CACNA1C: variants seen among roughly 807,000 people sequenced by gnomAD.
CACNA1C encodes the protein voltage-dependent L-type calcium channel subunit alpha-1C.
A neutral mutation model predicts 229.0 loss-of-function variants in CACNA1C; 30 were observed. The ratio of observed to expected loss-of-function variants is 0.13; its 90% CI spans 0.10 to 0.18. The LOEUF is 0.18. Among genes scored for constraint, CACNA1C ranks in the 10% least tolerant of loss-of-function variants. The probability of loss-of-function intolerance (pLI) is 1.00; values close to 1 mark genes in which losing one functional copy is unlikely to be tolerated. For synonymous variants in CACNA1C, 1,114 were observed against 1,132.5 expected, an observed-to-expected ratio of 0.98 and a Z score of 0.33; for missense variants, 1,658 against 2,845.0, an observed-to-expected ratio of 0.58 and a Z score of 9.49.
intron 7 of CACNA1C, among the ~76,000 whole-genome samples, chr12:2,499,730 G>A (rs1258819645): frequency 6.6e-6 from 1 of 152,090 alleles, no homozygotes; most frequent in Non-Finnish European, 1.5e-5. Flanking sequence ...GGAGACCTGA[G>A]GAACACGGCT....
chr12:2,542,189 A>T (rs1456770986), intron 9 of CACNA1C, among the ~76,000 whole-genome samples: 1 of 152,206 alleles, frequency 6.6e-6, no homozygotes, highest in Non-Finnish European at 1.5e-5. Context: ...TCCTTTGCCA[A>T]AACCCCTTCT....
chr12:2,675,131 CAAAG>C (rs1052546716), intron 39 of CACNA1C, among the ~76,000 whole-genome samples: 33 of 152,240 alleles, frequency 2.2e-4, no homozygotes, highest in African/African-American at 7.0e-4. Context: ...CTTTTTATAG[CAAAG>C]AGTTTATATT....
At chr12:2,189,445 C>T (rs945233584) in intron 3 of CACNA1C, among the ~76,000 whole-genome samples, 3 of 152,208 alleles carry the variant, frequency 2.0e-5, no homozygotes, top group Non-Finnish European at 2.9e-5. Context: ...CGGGAGCAGG[C>T]TCCCCAGGAC....
intron 6 of CACNA1C, among the ~76,000 whole-genome samples, chr12:2,489,763 G>A (rs747575876): frequency 1.3e-5 from 2 of 152,192 alleles, no homozygotes; most frequent in Non-Finnish European, 2.9e-5. Flanking sequence ...TATTAACTGC[G>A]TTTCTAACTC....
At chr12:2,339,470 C>A (rs1382563469) in intron 3 of CACNA1C, among the ~76,000 whole-genome samples, 1 of 152,160 alleles carries the variant, frequency 6.6e-6, no homozygotes, top group African/African-American at 2.4e-5. Flanking sequence ...ATACGTTAAC[C>A]TTAGCTTGCT....
chr12:2,293,167 T>G (rs1428746486), intron 3 of CACNA1C, among the ~76,000 whole-genome samples: 2 of 152,188 alleles, frequency 1.3e-5, no homozygotes, highest in Admixed American at 1.3e-4. Context: ...AGGTAACCTC[T>G]GGCAAGGAAA....
At chr12:1,982,712 A>G (rs1005288574) in intron 1 of CACNA1C, among the ~76,000 whole-genome samples, 5 of 152,092 alleles carry the variant, frequency 3.3e-5, no homozygotes, top group African/African-American at 1.2e-4. Flanking sequence ...GGATTTTTAT[A>G]CCTATATTCA....
intron 3 of CACNA1C, among the ~76,000 whole-genome samples, chr12:2,310,342 T>TAAAAAAAAAAAAAAAAA (rs1262171750): frequency 6.9e-6 from 1 of 144,254 alleles, no homozygotes; most frequent in African/African-American, 2.6e-5. Context: ...GCCTCCCAGT[T>TAAAAAAAAAAAAAAAAA]AAAAAAAAAA....
chr12:2,547,536 C>G (rs1205276664), intron 9 of CACNA1C: 1 of 779,544 alleles, frequency 1.3e-6, no homozygotes, highest in South Asian at 1.3e-5. Context: ...TAATGTTCCC[C>G]TGTGCTCTGT....
intron 1 of CACNA1C, among the ~76,000 whole-genome samples, chr12:2,020,898 T>C (rs2046326890): frequency 6.6e-6 from 1 of 152,194 alleles, no homozygotes; most frequent in African/African-American, 2.4e-5. Context: ...ATTAGAAAGT[T>C]CTTCCCTGTA....
chr12:2,531,802 G>A (rs568261555), intron 9 of CACNA1C, among the ~76,000 whole-genome samples: 2 of 152,306 alleles, frequency 1.3e-5, no homozygotes, highest in Non-Finnish European at 2.9e-5. Context: ...TAGAACCTCA[G>A]TGCCGGGAGG....
Position 2,582,868 on chromosome 12 carries a change from T to C in CACNA1C, c.2150T>C (p.Met717Thr), listed in dbSNP as rs1372282837. The C allele has an allele frequency of 6.2e-7, 1 of 1,612,198 alleles. No homozygotes were observed. The highest frequency in any genetic ancestry group is 2.2e-5 in the East Asian group (1 of 44,844). The change falls in exon 15 of 47, where the codon ATG becomes ACG. Residue 717 changes from methionine (M) to threonine (T), a missense_variant. By Grantham distance (81) the Met-to-Thr change is moderately conservative. Around this residue, in one of 20 missense-constraint regions of CACNA1C, gnomAD observed 30 missense variants for 73.2 expected, o/e 0.41. Coordinates refer to ENST00000399655, the MANE Select transcript of CACNA1C (RefSeq NM_000719.7). ...AATTCGGTGATGTATGATGGGATCA[T>C]GGCTTATGGCGGCCCCTCTTTTCCA... ...DWNSVMYDGI[M>T]AYGGPSFPGM...
rs568398270 is a variant in CACNA1C at position 2,540,813 on chromosome 12, C to T, written c.1391-9130C>T. 4.6e-5 allele frequency among the ~76,000 whole-genome samples: 7 copies of T among 152,258 alleles called. 1 individual carries two copies. In the South Asian group the frequency reaches 6.2e-4, roughly 14 times the overall value. On this transcript the variant is annotated intron_variant, in intron 9 of 46. Transcript: ENST00000399655. ...TGGTTGGAGTTTCTGCAGGAAGTCT[C>T]AGGACATGAGAGAGAACCGACAGTG... is the stretch of plus-strand genomic sequence containing the variant.
At position 2,595,634 on chromosome 12, in the gene CACNA1C, A is replaced by T. The variant is rs1338641135; in HGVS notation, c.2664-240A>T. Among the ~76,000 whole-genome samples, 2 of 152,202 alleles carry T rather than the reference A, an allele frequency of 1.3e-5. No individual in the cohort carries two copies. The highest frequency in any genetic ancestry group is 3.9e-4 in the East Asian group (2 of 5,182). ...CAGAGCAGGATTTGGGAATTCAGAG[A>T]TTCTCAAAGGTCTCAGATGTAACCT... On this transcript the variant is annotated intron_variant, in intron 19 of 46. Transcript: ENST00000399655. This position sits in a 1 kb window ranked among gnomAD's most constrained non-coding sequence, Gnocchi z 4.1.
At chr12:2,232,227 G>GTTTGTTTTTTT (rs2065450533) in intron 3 of CACNA1C, among the ~76,000 whole-genome samples, 1 of 73,574 alleles carries the variant, frequency 1.4e-5, no homozygotes, top group Non-Finnish European at 2.6e-5. Context: ...GTCTTTCCTT[G>GTTTGTTTTTTT]TTTTTTTTTT....
chr12:1,993,348 T>C (rs1279807407), intron 1 of CACNA1C: 3 of 1,613,938 alleles, frequency 1.9e-6, no homozygotes, highest in Non-Finnish European at 2.5e-6. Flanking sequence ...TTTTCCATGC[T>C]CAGCCTATTC....
intron 7 of CACNA1C, among the ~76,000 whole-genome samples, chr12:2,497,615 T>G (rs1276385411): frequency 6.6e-6 from 1 of 152,188 alleles, no homozygotes; most frequent in Non-Finnish European, 1.5e-5. Flanking sequence ...TATCCTGGGT[T>G]CATGCCCCTT....
At chr12:2,587,973 A>G (rs1446389108) in intron 18 of CACNA1C, among the ~76,000 whole-genome samples, 2 of 152,134 alleles carry the variant, frequency 1.3e-5, no homozygotes, top group East Asian at 3.9e-4. Context: ...TCCAAAGGGC[A>G]GCATGCTCTT....
intron 1 of CACNA1C, among the ~76,000 whole-genome samples, chr12:1,998,497 G>A (rs780053976): frequency 2.0e-5 from 3 of 152,194 alleles, no homozygotes; most frequent in Non-Finnish European, 4.4e-5. Flanking sequence ...ATGCCACAGA[G>A]TTCTCAGATG....
Sources: allele counts gnomAD v4.1 joint callset (sites outside exome capture counted in the v4.1 genomes callset), GRCh38; gene constraint gnomAD v4.1.1; regional missense constraint gnomAD v4.1.1; non-coding constraint Gnocchi (gnomAD v3.1); transcripts MANE v1.5; gene names NCBI Gene and HGNC (gene_info 2026-07-23, HGNC 2026-07-21).